The following CD96 variants were observed in gnomAD, a reference collection of about 807,000 sequenced individuals.
CD96 encodes CD96 molecule, also known as T-cell surface protein tactile.
Under a neutral mutation model 71.3 loss-of-function variants are expected in CD96, and 70 were observed. The ratio of observed to expected loss-of-function variants is 0.98; its 90% CI spans 0.81 to 1.20. The LOEUF (loss-of-function observed/expected upper bound fraction) is 1.20, where lower values mean the gene tolerates loss of function less well. Among genes scored for constraint, CD96 ranks in the 50% most tolerant of loss-of-function variants. The pLI is 0.00. For missense variants in CD96, 742 were observed against 677.5 expected, an observed-to-expected ratio of 1.10 and a Z score of -1.06; for synonymous variants, 248 against 233.0, an observed-to-expected ratio of 1.06 and a Z score of -0.59.
intron 5 of CD96, chr3:111,594,171 C>G: frequency 6.2e-7 from 1 of 1,603,840 alleles, no homozygotes. Context: ...ATCATTGTTC[C>G]CTCCTCTTCC....
rs554165548 is a variant in CD96, at chr3:111,580,265, G to A, written c.751+1031G>A. The stretch of plus-strand genomic sequence containing the variant: ...ACTCAAAATGCAGACTATCTGCAGC[G>A]TGCCAATTTAAGGAGGAAAGGTTAA... On this transcript the variant is annotated intron_variant, in intron 4 of 13. Coordinates refer to ENST00000352690, the MANE Select transcript of CD96 (RefSeq NM_005816.5). Among the ~76,000 whole-genome samples, 26 of 152,304 alleles carry A rather than the reference G, an allele frequency of 1.7e-4. No homozygotes were observed. In the South Asian group the frequency reaches 1.9e-3, roughly 11 times the overall value.
chr3:111,634,548 T>C, intron 10 of CD96: 1 of 152,426 alleles, frequency 6.6e-6, no homozygotes, highest in Admixed American at 6.5e-5. Context: ...AATTACCTCA[T>C]GCAGTTAACG....
In CD96 at chr3:111,547,156, G is replaced by A. The variant is rs1007102548; in HGVS notation, c.418+1754G>A. Among the ~76,000 whole-genome samples the A allele has an allele frequency of 2.6e-5, 4 of 152,124 alleles. No individual in the cohort carries two copies. In the East Asian group the frequency reaches 5.8e-4, roughly 22 times the overall value. The stretch of plus-strand genomic sequence containing the variant: ...GATAATTATAGTGCTTTCTTTACAG[G>A]TATCACTAGCTTGGTGATTAAATGA... On this transcript the variant is annotated intron_variant, in intron 2 of 13. Coordinates refer to ENST00000352690, the MANE Select transcript of CD96 (RefSeq NM_005816.5).
At chr3:111,664,885 A>C (rs1426262962) in intron 14 of CD96, among the ~76,000 whole-genome samples, 1 of 152,244 alleles carries the variant, frequency 6.6e-6, no homozygotes, top group East Asian at 1.9e-4. Context: ...GAATATGGAC[A>C]GATGACTAGA....
chr3:111,544,173 TCTCA>T (rs750304707), intron 1 of CD96, among the ~76,000 whole-genome samples: 1 of 151,894 alleles, frequency 6.6e-6, no homozygotes, highest in Non-Finnish European at 1.5e-5. Flanking sequence ...TGAGATGGAG[TCTCA>T]CTCTGTTGCC....
At chr3:111,563,718 A>T (rs1935566849) in intron 2 of CD96, among the ~76,000 whole-genome samples, 1 of 152,192 alleles carries the variant, frequency 6.6e-6, no homozygotes, top group Non-Finnish European at 1.5e-5. Context: ...CTTTATTTAA[A>T]AACATATATT....
intron 12 of CD96, among the ~76,000 whole-genome samples, chr3:111,641,570 G>C (rs562868606): frequency 6.6e-6 from 1 of 152,312 alleles, no homozygotes; most frequent in South Asian, 2.1e-4. Flanking sequence ...ATACTCCACT[G>C]ACAACACTAG....
At chr3:111,605,427 G>A (rs1352925616) in intron 7 of CD96, among the ~76,000 whole-genome samples, 4 of 152,166 alleles carry the variant, frequency 2.6e-5, no homozygotes, top group African/African-American at 9.7e-5. Flanking sequence ...TTATTTGAGA[G>A]AGATGGAAAA....
At chr3:111,636,784 A>G (rs554494757) in intron 10 of CD96, among the ~76,000 whole-genome samples, 3 of 152,316 alleles carry the variant, frequency 2.0e-5, no homozygotes, top group East Asian at 1.9e-4. Context: ...TTCGTCCCCT[A>G]TGCATGTTCT....
chr3:111,590,817 G>A (rs374352320), intron 5 of CD96, among the ~76,000 whole-genome samples: 32 of 152,194 alleles, frequency 2.1e-4, no homozygotes, highest in African/African-American at 7.7e-4. Context: ...CAAGAGGGAT[G>A]CATAAAAGCT....
intron 7 of CD96, among the ~76,000 whole-genome samples, chr3:111,603,463 C>G (rs991070265): frequency 9.9e-5 from 15 of 151,940 alleles, no homozygotes; most frequent in Admixed American, 6.6e-5. Flanking sequence ...AAAAAAATCC[C>G]GCCCTGCTAG....
intron 2 of CD96, among the ~76,000 whole-genome samples, chr3:111,566,011 C>A (rs915728881): frequency 6.7e-6 from 1 of 148,748 alleles, no homozygotes; most frequent in African/African-American, 2.5e-5. Flanking sequence ...TGTTATATAG[C>A]ATATATTTAT....
intron 2 of CD96, among the ~76,000 whole-genome samples, chr3:111,557,031 C>T (rs199902994): frequency 0.13 from 15,443 of 116,428 alleles, 1,526 homozygotes; most frequent in East Asian, 0.36. Flanking sequence ...TCATGTCCTT[C>T]GCACACTTTT....
intron 5 of CD96, among the ~76,000 whole-genome samples, chr3:111,595,967 G>A (rs1313242638): frequency 6.6e-6 from 1 of 151,918 alleles, no homozygotes; most frequent in African/African-American, 2.4e-5. Context: ...ATCGTGGCCA[G>A]CTTGGCCAAC....
At chr3:111,544,999 T>G (rs761555063) in intron 1 of CD96, 47 bp from the exon 2 acceptor site, 1 of 1,505,822 alleles carries the variant, frequency 6.6e-7, no homozygotes, top group East Asian at 2.3e-5. Flanking sequence ...TTAAGCGTCA[T>G]TCTATGTGAA....
chr3:111,568,529 C>G (rs1935828716), intron 3 of CD96, among the ~76,000 whole-genome samples: 1 of 152,164 alleles, frequency 6.6e-6, no homozygotes, highest in Non-Finnish European at 1.5e-5. Flanking sequence ...CCTTGAAATA[C>G]TGCAGAGTTC....
At chr3:111,577,978 G>A (rs2107580371) in intron 3 of CD96, among the ~76,000 whole-genome samples, 1 of 152,248 alleles carries the variant, frequency 6.6e-6, no homozygotes, top group South Asian at 2.1e-4. Flanking sequence ...GTCAGCCCTG[G>A]ATCTCCTGAG....
intron 7 of CD96, 103 bp downstream of exon 7, chr3:111,601,017 C>T (rs986200278): frequency 1.3e-6 from 1 of 756,230 alleles, no homozygotes; most frequent in East Asian, 2.7e-5. Context: ...GTTTTAATCT[C>T]AGAAAACTTT....
intron 2 of CD96, among the ~76,000 whole-genome samples, chr3:111,562,915 A>G (rs1429372214): frequency 3.9e-5 from 6 of 152,358 alleles, no homozygotes; most frequent in African/African-American, 1.4e-4. Context: ...CTGCTCTAAC[A>G]GAATACCACA....
Sources: allele counts gnomAD v4.1 joint callset (sites outside exome capture counted in the v4.1 genomes callset), GRCh38; gene constraint gnomAD v4.1.1; transcripts MANE v1.5; gene names NCBI Gene and HGNC (gene_info 2026-07-23, HGNC 2026-07-21).